Variants in ZNF596 observed in about 807,000 individuals in gnomAD.
The protein encoded by ZNF596 is zinc finger protein 596.
ZNF596 carries 45 observed loss-of-function variants against 48.3 expected under a neutral mutation model. The observed-to-expected ratio is 0.93, with a 90% CI of 0.73 to 1.19. The LOEUF (loss-of-function observed/expected upper bound fraction) is 1.19. Ranked by LOEUF, ZNF596 falls within the 50% of genes most tolerant of loss-of-function variation. The pLI is 0.00. For missense variants in ZNF596, 848 were observed against 599.7 expected, an observed-to-expected ratio of 1.41 and a Z score of -4.32; for synonymous variants, 270 against 202.0, an observed-to-expected ratio of 1.34 and a Z score of -2.85.
intron 1 of ZNF596, chr8:237,410 A>G (rs1796661973): frequency 6.6e-6 from 1 of 152,114 alleles, no homozygotes; most frequent in African/African-American, 2.4e-5. Flanking sequence ...TTCTTGGTTT[A>G]TGAGTGTTTT....
intron 4 of ZNF596, 49 bp from the exon 5 acceptor site, chr8:244,570 T>C: frequency 7.5e-7 from 1 of 1,341,350 alleles, no homozygotes; most frequent in Non-Finnish European, 1.1e-6. Context: ...TTTAACATTT[T>C]TATTCCCCTA....
chr8:242,821 G>A, intron 2 of ZNF596, 66 bp from the exon 3 acceptor site: 1 of 1,379,974 alleles, frequency 7.2e-7, no homozygotes, highest in Admixed American at 2.5e-5. Flanking sequence ...CAGTCACTTT[G>A]ATCTTGCTCC....
intron 3 of ZNF596, 177 bp from the exon 4 acceptor site, chr8:243,545 A>C (rs1312913809): frequency 2.0e-6 from 1 of 495,810 alleles, no homozygotes; most frequent in Non-Finnish European, 3.6e-6. Context: ...TCTGGGAACA[A>C]GTTCAAGAGT....
In ZNF596 at chr8:242,271, G is replaced by C. The variant is rs116798566; in HGVS notation, c.13-616G>C. Among the ~76,000 whole-genome samples the C allele has an allele frequency of 5.5e-3, 818 of 148,190 alleles. 7 individuals are homozygous for C. The highest frequency in any genetic ancestry group is 0.021 in the African/African-American group (788 of 37,604). ...ACACCTGAGTTGTGTAGACATAAGA[G>C]GCTGCATCTGCTGATACCAAGTTCT... On this transcript the variant is annotated intron_variant, in intron 2 of 5. Coordinates refer to ENST00000398612, the MANE Select transcript of ZNF596 (RefSeq NM_001042416.3).
In ZNF596 at chr8:245,104, A is replaced by T. The variant is rs537347905; in HGVS notation, c.307-50A>T. 4.6e-6 allele frequency: 7 copies of T among 1,515,800 alleles called. No individual in the cohort carries two copies. The African/African-American group carries it at 7.0e-5, about 15-fold the overall frequency. 93.9% of individuals were successfully genotyped at this position (1,515,800 alleles called of 1,614,324 possible). A position where few individuals can be genotyped will look rare whatever the true frequency, so the allele number is the denominator to read the frequency against. On this transcript the variant is annotated intron_variant, in intron 5 of 5. Coordinates refer to ENST00000398612, the MANE Select transcript of ZNF596 (RefSeq NM_001042416.3). ...TGTAGAGAAATGAATGAAGTAATGAATGAGTGTGGATAAACCTTTAATAGT... is the reference window on the plus strand; with the variant it reads ...TGTAGAGAAATGAATGAAGTAATGATTGAGTGTGGATAAACCTTTAATAGT...
intron 5 of ZNF596, 54 bp downstream of exon 5, chr8:244,755 A>T: frequency 6.8e-7 from 1 of 1,476,296 alleles, no homozygotes. Flanking sequence ...TGGACATTAA[A>T]CAACTTTGGA....
chr8:232,397 G>A (rs1172924342), upstream of ZNF596: 2 of 188,162 alleles, frequency 1.1e-5, no homozygotes, highest in Non-Finnish European at 2.5e-5. Context: ...CGGATTCTCC[G>A]GAGCCGAGGT....
At chr8:238,626 T>TA (rs1796716361) in intron 1 of ZNF596, among the ~76,000 whole-genome samples, 4 of 9,470 alleles carry the variant, frequency 4.2e-4, no homozygotes, top group African/African-American at 1.5e-3. Context: ...CATGGTGAAA[T>TA]ACAAAAAAAA....
In ZNF596 at chr8:245,221, C is replaced by G; in HGVS notation, c.374C>G (p.Ala125Gly). Residue 125 changes from alanine (A) to glycine (G), a missense_variant, in exon 6 of 6, where the codon GCA becomes GGA. Ala to Gly is a moderately conservative substitution (Grantham distance 60, BLOSUM62 0). Coordinates refer to ENST00000398612, the MANE Select transcript of ZNF596 (RefSeq NM_001042416.3). The stretch of plus-strand genomic sequence containing the variant: ...GGAGAAGATTTCACTCAACATATAG[C>G]ATTGACTCAAAATGTGATTACCTAC... ...DLGEDFTQHI[A>G]LTQNVITYMR... The G allele has an allele frequency of 1.2e-6, 2 of 1,613,720 alleles. No homozygotes were observed. Among genetic ancestry groups the G allele is most frequent in the Non-Finnish European group, 1.7e-6 (2 of 1,179,842 alleles).
chr8:245,846 A>C lies in ZNF596; in HGVS notation c.999A>C (p.Lys333Asn). 1 of 1,614,068 alleles carries C rather than the reference A, an allele frequency of 6.2e-7. No individual in the cohort carries two copies. ...ATGAAAGAACTCACAATGGAGAGAA[A>C]CCATATGAATGTCATCTATGTGGAA... ...RQHERTHNGEKPYECHLCGKA... is the reference protein window; with the variant it reads ...RQHERTHNGENPYECHLCGKA... Residue 333 changes from lysine to asparagine, a missense_variant, in exon 6 of 6, where the codon AAA becomes AAC. Coordinates refer to ENST00000398612, the MANE Select transcript of ZNF596 (RefSeq NM_001042416.3).
intron 3 of ZNF596, 52 bp from the exon 4 acceptor site, chr8:243,670 T>C: frequency 6.3e-7 from 1 of 1,582,312 alleles, no homozygotes; most frequent in Admixed American, 1.7e-5. Flanking sequence ...GATAACCTTG[T>C]ACATTTGTCA....
upstream of ZNF596, chr8:232,425 C>G (rs544087660): frequency 3.3e-5 from 8 of 241,762 alleles, no homozygotes; most frequent in African/African-American, 9.5e-5. Flanking sequence ...GGTGAGTGCC[C>G]TCCGCTTTTT....
chr8:246,009 G>A lies in ZNF596; in HGVS notation c.1162G>A (p.Glu388Lys). 6.2e-7 allele frequency: 1 copy of A among 1,614,114 alleles called. No individual in the cohort carries two copies. The highest frequency in any genetic ancestry group is 8.5e-7 in the Non-Finnish European group (1 of 1,180,006). The change falls in exon 6 of 6, where the codon GAG (glutamate) becomes AAG (lysine). Residue 388 changes from glutamate (E) to lysine (K), a missense_variant. Coordinates refer to ENST00000398612, the MANE Select transcript of ZNF596 (RefSeq NM_001042416.3). ...ACGACATGAGAGAATTCACACTGGA[G>A]AGAAACCATATGAGTGCCATGTATG... ...LKRHERIHTG[E>K]KPYECHVCGK...
chr8:235,222 G>A (rs1453732752), intron 1 of ZNF596, among the ~76,000 whole-genome samples: 1 of 152,200 alleles, frequency 6.6e-6, no homozygotes, highest in Non-Finnish European at 1.5e-5. Flanking sequence ...ATTGTTCACA[G>A]AACATCTGTT....
At chr8:238,845 T>A (rs1219459616) in intron 1 of ZNF596, among the ~76,000 whole-genome samples, 1 of 151,894 alleles carries the variant, frequency 6.6e-6, no homozygotes, top group African/African-American at 2.4e-5. Flanking sequence ...CTGATTTTCC[T>A]GATAAGAATT....
Position 245,671 on chromosome 8 carries a change from G to C in ZNF596, c.824G>C (p.Arg275Thr), listed in dbSNP as rs199624067. The change falls in exon 6 of 6, where the codon AGA becomes ACA. Residue 275 changes from arginine to threonine, a missense_variant. Transcript: ENST00000398612. ...NLRRHEMIHT[R>T]EKAQICHLCG... ...AGACGACATGAGATGATTCACACTA[G>C]AGAAAAAGCACAGATATGCCATCTA... 2.4e-5 allele frequency: 38 copies of C among 1,614,086 alleles called. No individual in the cohort carries two copies. The Admixed American group carries it at 3.7e-4, about 16-fold the overall frequency.
intron 1 of ZNF596, among the ~76,000 whole-genome samples, chr8:238,052 G>A (rs1280110525): frequency 2.6e-5 from 4 of 152,212 alleles, no homozygotes; most frequent in Non-Finnish European, 4.4e-5. Context: ...AGAATCCTGA[G>A]ATTGCCCATG....
chr8:234,854 G>C (rs1228966188), intron 1 of ZNF596: 1 of 152,172 alleles, frequency 6.6e-6, no homozygotes, highest in Non-Finnish European at 1.5e-5. Context: ...GTGTCAGTGA[G>C]GCAAGTATGG....
chr8:236,558 G>A (rs763838268), intron 1 of ZNF596, among the ~76,000 whole-genome samples: 6 of 152,086 alleles, frequency 3.9e-5, no homozygotes, highest in Non-Finnish European at 7.4e-5. Context: ...TATTGATTAA[G>A]AAGAATTAGT....
Sources: allele counts gnomAD v4.1 joint callset (sites outside exome capture counted in the v4.1 genomes callset), GRCh38; gene constraint gnomAD v4.1.1; transcripts MANE v1.5; gene names NCBI Gene and HGNC (gene_info 2026-07-23, HGNC 2026-07-21).